SRGAP2B: variants seen among roughly 807,000 people sequenced by gnomAD.
SRGAP2B encodes SLIT-ROBO Rho GTPase activating protein 2B, also known as SLIT-ROBO Rho GTPase-activating protein 2B.
A neutral mutation model predicts 22.2 loss-of-function variants in SRGAP2B; 9 were observed. The ratio of observed to expected loss-of-function variants is 0.41; its 90% CI spans 0.24 to 0.71. The LOEUF is 0.71. SRGAP2B is among the 30% of genes least tolerant of loss of function. The pLI is 0.35. For missense variants in SRGAP2B, 114 were observed against 235.8 expected (o/e 0.48, Z 3.38); for synonymous variants, 36 against 87.4 (o/e 0.41, Z 3.28).
At chr1:144,991,539 ACT>A (rs1383342703) in intron 3 of SRGAP2B, among the ~76,000 whole-genome samples, 2 of 147,128 alleles carry the variant, frequency 1.4e-5, no homozygotes, top group Admixed American at 1.3e-4. Flanking sequence ...ACCAATCGAC[ACT>A]CTGTATCTAG....
At chr1:145,019,884 T>C (rs1672666201) in intron 2 of SRGAP2B, among the ~76,000 whole-genome samples, 1 of 150,908 alleles carries the variant, frequency 6.6e-6, no homozygotes, top group South Asian at 2.1e-4. Flanking sequence ...TTCCGCCTCA[T>C]TCCCACCAGA....
chr1:144,970,906 A>T lies in SRGAP2B; in HGVS notation c.261-15305T>A, dbSNP rs1252677396. On this transcript the variant is annotated intron_variant, in intron 3 of 9. Transcript: ENST00000612199. ...CAAACAAGGTGATGCCCTTAAACAAACTTTATAAACATGAAAGTGTTCTAC... is the reference window on the plus strand; with the variant it reads ...CAAACAAGGTGATGCCCTTAAACAATCTTTATAAACATGAAAGTGTTCTAC... Among the ~76,000 whole-genome samples the T allele has an allele frequency of 4.0e-5, 6 of 149,562 alleles. 1 individual carries two copies. The East Asian group carries it at 5.9e-4, about 15-fold the overall frequency.
intron 4 of SRGAP2B, among the ~76,000 whole-genome samples, chr1:144,920,656 C>T (rs1401562798): frequency 6.7e-6 from 1 of 149,348 alleles, no homozygotes; most frequent in Non-Finnish European, 1.5e-5. Flanking sequence ...ACCTCAGCCT[C>T]TTAGAGTAGC....
At chr1:144,909,367 G>C (rs1431080460) in intron 5 of SRGAP2B, among the ~76,000 whole-genome samples, 1 of 144,842 alleles carries the variant, frequency 6.9e-6, no homozygotes, top group African/African-American at 2.7e-5. Flanking sequence ...GGCGGATCAC[G>C]AGGTCAGGAG....
chr1:145,063,601 T>C (rs1314905200), intron 2 of SRGAP2B, among the ~76,000 whole-genome samples: 9 of 150,942 alleles, frequency 6.0e-5, no homozygotes, highest in Admixed American at 5.3e-4. Context: ...AAGAGGAATA[T>C]ACAAGGGGAA....
chr1:144,943,427 G>A (rs1333395844), intron 4 of SRGAP2B, among the ~76,000 whole-genome samples: 1 of 151,706 alleles, frequency 6.6e-6, no homozygotes, highest in Non-Finnish European at 1.5e-5. Context: ...CAATAAATCT[G>A]TTTTTTATAT....
intron 3 of SRGAP2B, among the ~76,000 whole-genome samples, chr1:144,957,002 T>C (rs1667316990): frequency 6.6e-6 from 1 of 150,770 alleles, no homozygotes. Context: ...ATTTGGAAGA[T>C]GAGGAAAAGT....
intron 3 of SRGAP2B, among the ~76,000 whole-genome samples, chr1:144,960,475 T>C (rs1394782043): frequency 1.3e-5 from 2 of 150,218 alleles, no homozygotes; most frequent in Non-Finnish European, 2.9e-5. Context: ...TCGAAGACAT[T>C]AGCCCAGCTT....
chr1:145,075,848 G>A (rs1339407485), intron 2 of SRGAP2B, among the ~76,000 whole-genome samples: 1 of 149,294 alleles, frequency 6.7e-6, no homozygotes, highest in East Asian at 2.0e-4. Flanking sequence ...AGCACTTTGG[G>A]AGGCCAAGGT....
intron 2 of SRGAP2B, among the ~76,000 whole-genome samples, chr1:144,999,606 C>T (rs2102182832): frequency 6.7e-6 from 1 of 149,020 alleles, no homozygotes; most frequent in African/African-American, 2.5e-5. Flanking sequence ...GTAATAAGCC[C>T]CAACCTGAAG....
At chr1:144,901,694 GC>G (rs1662670614) in intron 7 of SRGAP2B, among the ~76,000 whole-genome samples, 1 of 143,304 alleles carries the variant, frequency 7.0e-6, no homozygotes, top group Admixed American at 6.8e-5. Flanking sequence ...ACTTTCTGAG[GC>G]AATGGAAAGA....
intron 4 of SRGAP2B, among the ~76,000 whole-genome samples, chr1:144,942,580 T>C (rs1666134075): frequency 6.6e-6 from 1 of 150,466 alleles, no homozygotes; most frequent in African/African-American, 2.5e-5. Flanking sequence ...CCACGACGCC[T>C]GGCTAATTTC....
chr1:145,013,915 G>A (rs1297664908), intron 2 of SRGAP2B, among the ~76,000 whole-genome samples: 2 of 148,820 alleles, frequency 1.3e-5, no homozygotes, highest in South Asian at 2.1e-4. Flanking sequence ...CCACCACTTA[G>A]GCCAAGATGG....
intron 3 of SRGAP2B, among the ~76,000 whole-genome samples, chr1:144,957,250 C>G (rs1570845525): frequency 1.3e-5 from 2 of 150,852 alleles, no homozygotes; most frequent in Admixed American, 6.6e-5. Context: ...GCACTAAAGA[C>G]CAGGCACTTG....
chr1:144,944,425 A>G, intron 4 of SRGAP2B, among the ~76,000 whole-genome samples: 1 of 149,496 alleles, frequency 6.7e-6, no homozygotes. Context: ...GCGAGACCCC[A>G]TCTCTAAAAA....
intron 4 of SRGAP2B, among the ~76,000 whole-genome samples, chr1:144,945,381 C>A (rs1202685419): frequency 1.3e-5 from 2 of 150,580 alleles, no homozygotes; most frequent in Non-Finnish European, 2.9e-5. Flanking sequence ...TTATGATAAT[C>A]AAAGAACTAA....
intron 3 of SRGAP2B, among the ~76,000 whole-genome samples, chr1:144,969,986 G>A (rs1461937721): frequency 1.3e-5 from 2 of 150,472 alleles, no homozygotes; most frequent in African/African-American, 5.0e-5. Flanking sequence ...TCATTAAAAA[G>A]TCAGGAAACA....
At chr1:144,951,288 C>T (rs1234345463) in intron 4 of SRGAP2B, among the ~76,000 whole-genome samples, 5 of 143,874 alleles carry the variant, frequency 3.5e-5, no homozygotes, top group East Asian at 2.0e-4. Context: ...TGATCCTTCC[C>T]GTCTCAGCCT....
At chr1:144,911,912 A>T (rs1423611213) in intron 5 of SRGAP2B, among the ~76,000 whole-genome samples, 1 of 125,566 alleles carries the variant, frequency 8.0e-6, no homozygotes, top group Non-Finnish European at 1.6e-5. Context: ...AGCCACTGTG[A>T]CCGGCTATTC....
Sources: gnomAD v4.1 joint callset for allele counts (sites outside exome capture counted in the v4.1 genomes callset) on GRCh38, gnomAD v4.1.1 for gene constraint, MANE v1.5 for transcripts, NCBI Gene and HGNC (gene_info 2026-07-23, HGNC 2026-07-21) for gene names.